Variants in UBAP2L observed in about 807,000 individuals in gnomAD.
The protein encoded by UBAP2L is ubiquitin-associated protein 2-like.
Under a neutral mutation model 130.6 loss-of-function variants are expected in UBAP2L, and 12 were observed. That is an observed-to-expected ratio of 0.09 (90% CI 0.06 to 0.15). The LOEUF (loss-of-function observed/expected upper bound fraction) is 0.15, where lower values mean the gene tolerates loss of function less well. Among genes scored for constraint, UBAP2L ranks in the 10% least tolerant of loss-of-function variants. UBAP2L has a pLI of 1.00. For synonymous variants in UBAP2L, 503 were observed against 524.7 expected, an observed-to-expected ratio of 0.96 and a Z score of 0.57; for missense variants, 965 against 1,332.5, an observed-to-expected ratio of 0.72 and a Z score of 4.29.
At chr1:154,254,734 CT>C in intron 15 of UBAP2L, 101 bp from the exon 16 acceptor site, 2 of 1,271,912 alleles carry the variant, frequency 1.6e-6, no homozygotes, top group Non-Finnish European at 2.2e-6. Flanking sequence ...AGAGTTTCTC[CT>C]AAAGATTTGT....
chr1:154,220,742 C>T, upstream of UBAP2L: 1 of 323,214 alleles, frequency 3.1e-6, no homozygotes, highest in Non-Finnish European at 5.8e-6. Flanking sequence ...GTGAAGGAGG[C>T]GGGGTGGACT....
At chr1:154,261,471 CTG>C (rs1681526167) in intron 23 of UBAP2L, 119 bp from the exon 24 acceptor site, 3 of 930,652 alleles carry the variant, frequency 3.2e-6, no homozygotes, top group Admixed American at 2.0e-5. Flanking sequence ...ACTAAGCAAA[CTG>C]TAGTCAACTT....
chr1:154,257,705 A>G (rs1680101245), intron 20 of UBAP2L: 2 of 431,008 alleles, frequency 4.6e-6, no homozygotes, highest in East Asian at 8.1e-5. Flanking sequence ...ATATAAAATA[A>G]ATGAGGGATT....
intron 4 of UBAP2L, 60 bp downstream of exon 4, chr1:154,228,785 C>G: frequency 7.6e-7 from 1 of 1,314,964 alleles, no homozygotes; most frequent in South Asian, 1.3e-5. Context: ...TAGTAATGTT[C>G]TAAAAGTAGC....
Position 154,270,182 on chromosome 1 carries a change from C to A in UBAP2L, c.3169-18C>A. 6.4e-7 allele frequency: 1 copy of A among 1,569,106 alleles called. No individual in the cohort carries two copies. The highest frequency in any genetic ancestry group is 8.6e-7 in the Non-Finnish European group (1 of 1,156,650). On this transcript the variant is annotated intron_variant, in intron 26 of 26. Transcript: ENST00000428931. ...TAGACACCTTTTTCCTCCTCATGAT[C>A]CTCCCATTCCCCTGCAGACGGGCAG... is the stretch of plus-strand genomic sequence containing the variant.
intron 20 of UBAP2L, chr1:154,257,859 A>T (rs1212964705): frequency 6.1e-6 from 1 of 162,914 alleles, no homozygotes; most frequent in East Asian, 1.8e-4. Context: ...GTGTATGTAT[A>T]TGTGTGATGA....
chr1:154,226,209 C>T (rs1022056472), intron 2 of UBAP2L, among the ~76,000 whole-genome samples: 4 of 152,196 alleles, frequency 2.6e-5, no homozygotes, highest in African/African-American at 9.7e-5. Context: ...TCTCTGGTTC[C>T]ATTGAGACCT....
intron 20 of UBAP2L, chr1:154,258,566 A>G (rs1226093011): frequency 6.5e-6 from 1 of 154,478 alleles, no homozygotes; most frequent in Non-Finnish European, 1.4e-5. Flanking sequence ...CACATTTTTA[A>G]TTTGTGGTCA....
intron 12 of UBAP2L, 127 bp downstream of exon 12, chr1:154,249,564 C>G: frequency 9.4e-7 from 1 of 1,064,828 alleles, no homozygotes; most frequent in Non-Finnish European, 1.4e-6. Flanking sequence ...GGTTACCTTC[C>G]CACATGTATT....
intron 8 of UBAP2L, among the ~76,000 whole-genome samples, chr1:154,241,084 T>C (rs756767956): frequency 6.6e-6 from 1 of 151,992 alleles, no homozygotes; most frequent in Admixed American, 6.6e-5. Flanking sequence ...TTTTTTTGTT[T>C]TGTTTTTTGT....
chr1:154,271,442 C>G (rs1193946606), downstream of UBAP2L: 1 of 152,276 alleles, frequency 6.6e-6, no homozygotes, highest in Non-Finnish European at 1.5e-5. Context: ...CAAACACCAC[C>G]TGTACCCCAA....
At chr1:154,220,533 G>T (rs1193074478), upstream of UBAP2L, 4 of 926,368 alleles carry the variant, frequency 4.3e-6, no homozygotes, top group Middle Eastern at 2.2e-4. Context: ...TACGGGGGAA[G>T]ACCAAGCCAG....
At chr1:154,244,521 C>T (rs924410990) in intron 10 of UBAP2L, among the ~76,000 whole-genome samples, 1 of 152,066 alleles carries the variant, frequency 6.6e-6, no homozygotes, top group African/African-American at 2.4e-5. Flanking sequence ...TACAGGCATG[C>T]ACCACTATAC....
At chr1:154,229,496 C>T (rs1262641549) in intron 4 of UBAP2L, among the ~76,000 whole-genome samples, 1 of 151,842 alleles carries the variant, frequency 6.6e-6, no homozygotes, top group African/African-American at 2.4e-5. Context: ...TTATTTTGAG[C>T]CAGGGTCTTA....
intron 25 of UBAP2L, among the ~76,000 whole-genome samples, chr1:154,268,547 G>T (rs887353671): frequency 6.6e-6 from 1 of 152,160 alleles, no homozygotes; most frequent in Non-Finnish European, 1.5e-5. Flanking sequence ...AGGAAACTGA[G>T]GCTAAGAGAT....
chr1:154,266,312 G>T, intron 24 of UBAP2L, 189 bp from the exon 25 acceptor site: 1 of 664,368 alleles, frequency 1.5e-6, no homozygotes, highest in Admixed American at 2.4e-5. Context: ...CCTGGGAAGG[G>T]CCAAAGAACC....
chr1:154,225,130 A>G lies in UBAP2L; in HGVS notation c.7A>G (p.Thr3Ala), dbSNP rs113227040. Residue 3 changes from threonine to alanine, a missense_variant, in exon 2 of 27, where the codon ACA becomes GCA. Physicochemically the swap from Thr to Ala is moderately conservative, Grantham distance 58 (BLOSUM62 0). Transcript: ENST00000428931. ...TTATTTGTATATACTGTAAATGATG[A>G]CATCGGTGGGCACTAACCGAGCCCG... MM[T>A]SVGTNRARGN... is the part of the protein sequence containing the mutation. The G allele has an allele frequency of 4.3e-6, 7 of 1,614,108 alleles. No individual in the cohort carries two copies. In the Admixed American group the frequency reaches 1.2e-4, roughly 27 times the overall value.
chr1:154,261,601 A>G lies in UBAP2L; in HGVS notation c.2806A>G (p.Thr936Ala), dbSNP rs1681572836. The G allele has an allele frequency of 1.3e-5, 21 of 1,614,010 alleles. No homozygotes were observed. The highest frequency in any genetic ancestry group is 1.8e-5 in the Non-Finnish European group (21 of 1,180,016). ...YGPAVFPVAP[T>A]SSKQHGVNVS... is the part of the protein sequence containing the mutation. Reference sequence around the variant, plus strand: ...CCTTTTTGCTCTTTAGGTGGCTCCTACCTCTTCCAAGCAGCATGGTGTGAA... The same window carrying G: ...CCTTTTTGCTCTTTAGGTGGCTCCTGCCTCTTCCAAGCAGCATGGTGTGAA... Residue 936 changes from threonine (T) to alanine (A), a missense_variant, in exon 24 of 27, where the codon ACC (threonine) becomes GCC (alanine). Coordinates refer to ENST00000428931, the MANE Select transcript of UBAP2L (RefSeq NM_014847.4).
intron 25 of UBAP2L, among the ~76,000 whole-genome samples, chr1:154,268,131 C>T (rs563440418): frequency 5.9e-5 from 9 of 151,476 alleles, no homozygotes; most frequent in African/African-American, 9.7e-5. Flanking sequence ...TCAGGTGATC[C>T]GCCTGCATTG....
Sources: allele counts gnomAD v4.1 joint callset (sites outside exome capture counted in the v4.1 genomes callset), GRCh38; gene constraint gnomAD v4.1.1; transcripts MANE v1.5; gene names NCBI Gene and HGNC (gene_info 2026-07-23, HGNC 2026-07-21).